Variants in KCNC2 observed in about 807,000 individuals in gnomAD.
KCNC2 encodes potassium voltage-gated channel subfamily C member 2, also known as voltage-gated potassium channel KCNC2.
KCNC2 carries 21 observed loss-of-function variants against 44.5 expected under a neutral mutation model. The ratio of observed to expected loss-of-function variants is 0.47; its 90% CI spans 0.33 to 0.68. KCNC2 has a LOEUF of 0.68. Among genes scored for constraint, KCNC2 ranks in the 30% least tolerant of loss-of-function variants. The pLI, the probability that KCNC2 is intolerant of heterozygous loss-of-function variation, is 0.01. For synonymous variants in KCNC2, 391 were observed against 339.1 expected (o/e 1.15, Z -1.68); for missense variants, 589 against 826.2 (o/e 0.71, Z 3.52).
chr12:75,135,684 G>T (rs1406229333), intron 2 of KCNC2, among the ~76,000 whole-genome samples: 2 of 151,922 alleles, frequency 1.3e-5, no homozygotes, highest in Non-Finnish European at 2.9e-5. Context: ...GTGAAAAACA[G>T]CCTTACCTCT....
chr12:75,119,210 G>C (rs1452087731), intron 2 of KCNC2, among the ~76,000 whole-genome samples: 3 of 152,200 alleles, frequency 2.0e-5, no homozygotes, highest in Non-Finnish European at 4.4e-5. Context: ...GTAACTGACA[G>C]ACTGGGATCT....
intron 2 of KCNC2, among the ~76,000 whole-genome samples, chr12:75,072,006 C>T (rs1014023932): frequency 6.9e-6 from 1 of 145,464 alleles, no homozygotes; most frequent in Admixed American, 6.9e-5. Context: ...TAATAGAATG[C>T]CAGATACAGA....
chr12:75,057,606 AG>A (rs1881882219), intron 2 of KCNC2, among the ~76,000 whole-genome samples: 1 of 152,026 alleles, frequency 6.6e-6, no homozygotes, highest in Non-Finnish European at 1.5e-5. Context: ...TCAGTAAAAA[AG>A]ATTAGACTTC....
chr12:75,071,465 A>T (rs1883393688), intron 2 of KCNC2, among the ~76,000 whole-genome samples: 1 of 152,228 alleles, frequency 6.6e-6, no homozygotes, highest in African/African-American at 2.4e-5. Flanking sequence ...GGTTGTGTAC[A>T]GCTTATACTT....
rs1449084568 is a variant in KCNC2 at position 75,043,697 on chromosome 12, ACT to A, written c.1781-458_1781-457del. 3.6e-6 allele frequency: 5 copies of A among 1,393,296 alleles called. No individual in the cohort carries two copies. In the Admixed American group the frequency reaches 1.1e-4, roughly 32 times the overall value. The allele number at this position is 1,393,296 out of a possible 1,614,324, so 86.3% of individuals were successfully genotyped here. A position where few individuals can be genotyped will look rare whatever the true frequency, so the allele number is the denominator to read the frequency against. On this transcript the variant is annotated intron_variant, in intron 4 of 4. Coordinates refer to ENST00000549446, the MANE Select transcript of KCNC2 (RefSeq NM_139137.4). ...AAGCATACTTAAGTTTAAATGGACA[ACT>A]CTTTTTCCAGCATATTTAATCTTCC...
chr12:75,179,756 A>G (rs1290207855), intron 2 of KCNC2, among the ~76,000 whole-genome samples: 3 of 151,380 alleles, frequency 2.0e-5, no homozygotes, highest in South Asian at 4.2e-4. Flanking sequence ...TATATCTTTT[A>G]TAAAAACTAT....
chr12:75,162,027 A>G (rs1891155063), intron 2 of KCNC2, among the ~76,000 whole-genome samples: 1 of 151,622 alleles, frequency 6.6e-6, no homozygotes, highest in Non-Finnish European at 1.5e-5. Flanking sequence ...TGGACCCACC[A>G]AGAGCCAAGT....
intron 2 of KCNC2, among the ~76,000 whole-genome samples, chr12:75,158,416 CTT>C (rs1890901351): frequency 6.6e-6 from 1 of 151,274 alleles, no homozygotes; most frequent in Non-Finnish European, 1.5e-5. Context: ...TTTAGATACA[CTT>C]GAGAGAAAAA....
Position 75,081,914 on chromosome 12 carries a change from A to C in KCNC2, c.688-30597T>G, listed in dbSNP as rs184347197. 7.6e-4 allele frequency among the ~76,000 whole-genome samples: 116 copies of C among 152,100 alleles called. 1 individual carries two copies. Among genetic ancestry groups the C allele is most frequent in the Non-Finnish European group, 9.4e-4 (64 of 67,904 alleles). ...TACAAGAGCCTTTCTTCTGGTTTCA[A>C]CTCATACCAAGAGTCTTCAAAATGA... On this transcript the variant is annotated intron_variant, in intron 2 of 4. Transcript: ENST00000549446.
At chr12:75,157,176 GTTGGGGATGATT>G (rs993916083) in intron 2 of KCNC2, among the ~76,000 whole-genome samples, 11 of 152,034 alleles carry the variant, frequency 7.2e-5, no homozygotes, top group African/African-American at 2.4e-4. Flanking sequence ...TTGCCTTAAA[GTTGGGGATGATT>G]TTGGTAATAA....
chr12:75,045,770 G>A (rs1880429863), intron 4 of KCNC2, among the ~76,000 whole-genome samples: 1 of 151,838 alleles, frequency 6.6e-6, no homozygotes, highest in Admixed American at 6.6e-5. Context: ...TAAGTATTGA[G>A]AGTTTACTCT....
At chr12:75,077,763 C>T (rs1336726364) in intron 2 of KCNC2, among the ~76,000 whole-genome samples, 3 of 152,070 alleles carry the variant, frequency 2.0e-5, no homozygotes, top group Non-Finnish European at 4.4e-5. Flanking sequence ...CGTAAAACCT[C>T]CAATGTATGT....
intron 2 of KCNC2, among the ~76,000 whole-genome samples, chr12:75,080,094 A>T (rs1592824508): frequency 6.6e-6 from 1 of 152,120 alleles, no homozygotes; most frequent in African/African-American, 2.4e-5. Flanking sequence ...TATTTTTTTA[A>T]CTTCAAAATA....
intron 2 of KCNC2, among the ~76,000 whole-genome samples, chr12:75,166,990 A>G (rs867626179): frequency 1.3e-5 from 2 of 151,126 alleles, no homozygotes; most frequent in Non-Finnish European, 1.5e-5. Context: ...AATCAACAAA[A>G]CCAAAATTTA....
intron 2 of KCNC2, among the ~76,000 whole-genome samples, chr12:75,165,003 A>G (rs1161377311): frequency 6.6e-6 from 1 of 151,590 alleles, no homozygotes; most frequent in East Asian, 1.9e-4. Context: ...TGCTGTACAT[A>G]CTTCAATTCC....
chr12:75,138,837 T>C (rs539497660), intron 2 of KCNC2, among the ~76,000 whole-genome samples: 6 of 151,734 alleles, frequency 4.0e-5, no homozygotes, highest in East Asian at 1.9e-4. Flanking sequence ...AAAAATTAGC[T>C]GGGCGTGGTG....
At chr12:75,158,326 C>T (rs998729676) in intron 2 of KCNC2, among the ~76,000 whole-genome samples, 6 of 151,812 alleles carry the variant, frequency 4.0e-5, no homozygotes, top group African/African-American at 1.2e-4. Flanking sequence ...GTTATCTGCA[C>T]AGCTTTATGG....
chr12:75,156,255 T>C (rs2137496703), intron 2 of KCNC2, among the ~76,000 whole-genome samples: 1 of 151,864 alleles, frequency 6.6e-6, no homozygotes, highest in Admixed American at 6.6e-5. Flanking sequence ...AAACATTTTT[T>C]TTTTGTACAA....
chr12:75,168,262 C>T (rs1891585807), intron 2 of KCNC2, among the ~76,000 whole-genome samples: 1 of 151,280 alleles, frequency 6.6e-6, no homozygotes, highest in Non-Finnish European at 1.5e-5. Flanking sequence ...AGTAGGTATA[C>T]ACAATAATCT....
Sources: gnomAD v4.1 joint callset for allele counts (sites outside exome capture counted in the v4.1 genomes callset) on GRCh38, gnomAD v4.1.1 for gene constraint, MANE v1.5 for transcripts, NCBI Gene and HGNC (gene_info 2026-07-23, HGNC 2026-07-21) for gene names.